SAP130: variants seen among roughly 807,000 people sequenced by gnomAD.
SAP130 encodes Sin3A associated protein 130.
In SAP130, 16 loss-of-function variants were observed where a neutral mutation model predicts 103.2. The observed-to-expected ratio is 0.16, with a 90% CI of 0.10 to 0.24. SAP130 has a LOEUF of 0.24. SAP130 is among the 10% of genes least tolerant of loss of function. The probability of loss-of-function intolerance (pLI) is 1.00; values close to 1 mark genes in which losing one functional copy is unlikely to be tolerated. For synonymous variants in SAP130, 477 were observed against 497.0 expected (o/e 0.96, Z 0.53); for missense variants, 990 against 1,359.7 (o/e 0.73, Z 4.28).
intron 15 of SAP130, among the ~76,000 whole-genome samples, chr2:127,965,202 C>T (rs1006802161): frequency 6.6e-6 from 1 of 152,076 alleles, no homozygotes; most frequent in South Asian, 2.1e-4. Context: ...GAGGCTGAGG[C>T]AGGAGAATCG....
chr2:127,978,432 T>C (rs1681629494), intron 14 of SAP130, among the ~76,000 whole-genome samples: 1 of 152,160 alleles, frequency 6.6e-6, no homozygotes, highest in African/African-American at 2.4e-5. Flanking sequence ...CTGACATCCA[T>C]ATTAAGTGTT....
intron 15 of SAP130, among the ~76,000 whole-genome samples, chr2:127,963,222 G>A (rs1680383458): frequency 6.6e-6 from 1 of 151,986 alleles, no homozygotes; most frequent in Non-Finnish European, 1.5e-5. Context: ...AATTTTTACT[G>A]AGTCAAATTT....
intron 15 of SAP130, among the ~76,000 whole-genome samples, chr2:127,964,494 CAAAAAAAAAAAAAA>C (rs55755397): frequency 1.4e-5 from 1 of 69,910 alleles, no homozygotes; most frequent in African/African-American, 5.8e-5. Context: ...AACTCCATCT[CAAAAAAAAAAAAAA>C]AAAAAAAAAA....
chr2:128,026,146 T>G, intron 2 of SAP130, 35 bp downstream of exon 2: 1 of 1,379,036 alleles, frequency 7.3e-7, no homozygotes, highest in South Asian at 1.3e-5. Context: ...ATTCTTAAAG[T>G]AGGAAAAAAT....
intron 9 of SAP130, 42 bp from the exon 10 acceptor site, chr2:127,999,887 T>C (rs1420068283): frequency 6.9e-7 from 1 of 1,442,786 alleles, no homozygotes. Context: ...CAAGAACTTC[T>C]CTGCACACGT....
At chr2:128,005,773 A>C (rs1683928582) in intron 7 of SAP130, among the ~76,000 whole-genome samples, 5 of 151,882 alleles carry the variant, frequency 3.3e-5, no homozygotes, top group South Asian at 2.1e-4. Flanking sequence ...CAGCTTCCCA[A>C]GTAGCTGGGA....
intron 19 of SAP130, 130 bp downstream of exon 19, chr2:127,945,326 A>G: frequency 1.6e-6 from 1 of 621,488 alleles, no homozygotes; most frequent in South Asian, 1.9e-5. Context: ...AGCACACATA[A>G]AAATTCTATC....
chr2:128,012,950 T>C lies in SAP130; in HGVS notation c.744+80A>G. ...TCTTGGCAACTAGATGGAAAGTCCC[T>C]GAGGTCAAGGATGTGCCTAGTGCCT... On this transcript the variant is annotated intron_variant, in intron 6 of 20. Transcript: ENST00000643581. 3.0e-6 allele frequency: 4 copies of C among 1,346,192 alleles called. No homozygotes were observed. The African/African-American group carries it at 6.1e-5, about 20-fold the overall frequency. The allele number at this position is 1,346,192 out of a possible 1,614,324, so 83.4% of individuals were successfully genotyped here.
chr2:127,965,530 C>T (rs991065380), intron 15 of SAP130, among the ~76,000 whole-genome samples: 5 of 152,160 alleles, frequency 3.3e-5, no homozygotes, highest in African/African-American at 1.2e-4. Flanking sequence ...TGGCTCACGC[C>T]TGTAATCCCA....
intron 15 of SAP130, among the ~76,000 whole-genome samples, chr2:127,969,655 T>C (rs889203520): frequency 7.2e-5 from 11 of 152,254 alleles, no homozygotes; most frequent in African/African-American, 2.7e-4. Flanking sequence ...TTCTGCGGGC[T>C]TGAAGGACAG....
At chr2:127,984,584 C>A (rs1213679743) in intron 14 of SAP130, among the ~76,000 whole-genome samples, 2 of 152,202 alleles carry the variant, frequency 1.3e-5, no homozygotes, top group Non-Finnish European at 2.9e-5. Flanking sequence ...ATCTTTAGAG[C>A]TTCCCCTTGG....
intron 7 of SAP130, among the ~76,000 whole-genome samples, chr2:128,006,691 G>A (rs1021684794): frequency 6.6e-6 from 1 of 152,190 alleles, no homozygotes; most frequent in Non-Finnish European, 1.5e-5. Flanking sequence ...GAGGTAGAAG[G>A]ATCACTTGGG....
rs1179213247 is a variant in SAP130, at chr2:127,955,512, G to C, written c.2064-168C>G. Among the ~76,000 whole-genome samples the C allele has an allele frequency of 2.4e-4, 36 of 151,558 alleles. No individual in the cohort carries two copies. The highest frequency in any genetic ancestry group is 2.4e-3 in the Admixed American group (36 of 15,204). Reference sequence around the variant, plus strand: ...TAATTTTAAAAAAATTTTGAGACAGGGTCTCACTCTGTTACCCATGCTGGA... The same window carrying C: ...TAATTTTAAAAAAATTTTGAGACAGCGTCTCACTCTGTTACCCATGCTGGA... On this transcript the variant is annotated intron_variant, in intron 15 of 20. Transcript: ENST00000643581. The surrounding 1 kb of genome is among the most constrained non-coding windows in gnomAD (Gnocchi z 4.9).
At chr2:127,985,572 T>C (rs1185238742) in intron 14 of SAP130, among the ~76,000 whole-genome samples, 1 of 152,030 alleles carries the variant, frequency 6.6e-6, no homozygotes, top group African/African-American at 2.4e-5. Context: ...CACAAAACAC[T>C]ATCTGCTACC....
At chr2:128,023,568 A>C (rs927326332) in intron 2 of SAP130, among the ~76,000 whole-genome samples, 2 of 152,128 alleles carry the variant, frequency 1.3e-5, no homozygotes, top group Non-Finnish European at 2.9e-5. Flanking sequence ...TCAAGAGGTC[A>C]GGAGATCGAG....
chr2:127,949,734 A>G, intron 18 of SAP130, 135 bp downstream of exon 18: 1 of 895,034 alleles, frequency 1.1e-6, no homozygotes, highest in South Asian at 1.7e-5. Flanking sequence ...TTAAACACTA[A>G]AGCCTCAAGA....
chr2:127,978,905 T>C (rs953107910), intron 14 of SAP130, among the ~76,000 whole-genome samples: 5 of 152,126 alleles, frequency 3.3e-5, no homozygotes, highest in Non-Finnish European at 5.9e-5. Context: ...ATGTGGAAGA[T>C]AGAACAAGTG....
chr2:128,006,476 G>C (rs370812946), intron 7 of SAP130, among the ~76,000 whole-genome samples: 1 of 152,152 alleles, frequency 6.6e-6, no homozygotes, highest in South Asian at 2.1e-4. Context: ...AGGTTTGGTA[G>C]AATTCTATGA....
chr2:128,002,751 A>C, intron 7 of SAP130, among the ~76,000 whole-genome samples: 1 of 152,140 alleles, frequency 6.6e-6, no homozygotes, highest in South Asian at 2.1e-4. Context: ...AAAACAAACA[A>C]AAAAAACAGG....
Sources: gnomAD v4.1 joint callset for allele counts (sites outside exome capture counted in the v4.1 genomes callset) on GRCh38, gnomAD v4.1.1 for gene constraint, Gnocchi (gnomAD v3.1) non-coding constraint, MANE v1.5 for transcripts, NCBI Gene and HGNC (gene_info 2026-07-23, HGNC 2026-07-21) for gene names.